Variants in RAD51B observed in about 807,000 individuals in gnomAD.
RAD51B encodes the protein RAD51 paralog B, also known as DNA repair protein RAD51 homolog 2.
RAD51B carries 38 observed loss-of-function variants against 42.2 expected under a neutral mutation model. The observed-to-expected ratio is 0.90, with a 90% confidence interval of 0.70 to 1.18. The LOEUF is 1.18. RAD51B is among the 50% of genes most tolerant of loss of function. The pLI, the probability that RAD51B is intolerant of heterozygous loss-of-function variation, is 0.00. For missense variants in RAD51B, 373 were observed against 400.7 expected (o/e 0.93, Z 0.59); for synonymous variants, 154 against 145.2 (o/e 1.06, Z -0.43).
chr14:68,032,735 G>T lies in RAD51B; in HGVS notation c.756+145531G>T, dbSNP rs1272583787. On this transcript the variant is annotated intron_variant, in intron 7 of 10. Transcript: ENST00000471583. Reference sequence around the variant, plus strand: ...CACACTATAGATAGAGTGATAACAAGAAATGTTATTTCCCTTTATAAACAT... The same window carrying T: ...CACACTATAGATAGAGTGATAACAATAAATGTTATTTCCCTTTATAAACAT... Among the ~76,000 whole-genome samples the T allele has an allele frequency of 3.9e-5, 6 of 152,248 alleles. 2 individuals carry two copies. Among genetic ancestry groups the T allele is most frequent in the Middle Eastern group, 3.4e-3 (1 of 294 alleles).
intron 7 of RAD51B, among the ~76,000 whole-genome samples, chr14:68,140,823 G>A (rs866547412): frequency 1.8e-4 from 28 of 152,174 alleles, no homozygotes; most frequent in African/African-American, 2.7e-4. Flanking sequence ...GTTTTGACTA[G>A]TGTTTTATTA....
At chr14:68,647,092 A>G (rs1357522919) in intron 10 of RAD51B, among the ~76,000 whole-genome samples, 5 of 152,252 alleles carry the variant, frequency 3.3e-5, no homozygotes, top group Non-Finnish European at 7.4e-5. Flanking sequence ...TTCTTCCAGC[A>G]TTAAAATTCT....
At chr14:68,024,940 G>A (rs374990270) in intron 7 of RAD51B, among the ~76,000 whole-genome samples, 14 of 152,044 alleles carry the variant, frequency 9.2e-5, no homozygotes, top group East Asian at 7.7e-4. Flanking sequence ...TTCTCAAGGG[G>A]AATTGTTTCA....
intron 7 of RAD51B, among the ~76,000 whole-genome samples, chr14:68,012,223 C>T (rs537181005): frequency 3.9e-5 from 6 of 152,118 alleles, no homozygotes; most frequent in Non-Finnish European, 7.4e-5. Context: ...AGTGTGTTTT[C>T]TTAATTTCAT....
chr14:68,313,049 A>G (rs1473171446), intron 8 of RAD51B, among the ~76,000 whole-genome samples: 1 of 152,192 alleles, frequency 6.6e-6, no homozygotes, highest in Non-Finnish European at 1.5e-5. Context: ...TAACTTTCAA[A>G]GTTTATGGGG....
At chr14:68,094,200 A>T (rs1052900718) in intron 7 of RAD51B, among the ~76,000 whole-genome samples, 3 of 152,216 alleles carry the variant, frequency 2.0e-5, no homozygotes, top group Non-Finnish European at 4.4e-5. Context: ...TTGGTCAAAC[A>T]TATCACTTTT....
chr14:68,680,587 G>A (rs146439131), intron 11 of RAD51B, among the ~76,000 whole-genome samples: 259 of 152,164 alleles, frequency 1.7e-3, no homozygotes, highest in Middle Eastern at 6.8e-3. Flanking sequence ...CCACCGTCCC[G>A]TTCCTCTTCC....
At chr14:68,566,669 C>T (rs1381099076) in intron 10 of RAD51B, among the ~76,000 whole-genome samples, 1 of 152,174 alleles carries the variant, frequency 6.6e-6, no homozygotes, top group African/African-American at 2.4e-5. Context: ...CCCCCGGTGC[C>T]TCAGTGACTG....
chr14:68,339,076 C>G (rs991344860), intron 8 of RAD51B: 3 of 679,456 alleles, frequency 4.4e-6, no homozygotes, highest in Admixed American at 2.0e-5. Context: ...ACCAGCTGAG[C>G]TTTCTTGTTC....
At chr14:67,870,961 C>T (rs1400266025) in intron 5 of RAD51B, among the ~76,000 whole-genome samples, 1 of 148,638 alleles carries the variant, frequency 6.7e-6, no homozygotes, top group Non-Finnish European at 1.5e-5. Context: ...ATTTATAGCA[C>T]TAAATGCCCA....
intron 7 of RAD51B, among the ~76,000 whole-genome samples, chr14:68,203,574 C>T (rs1334866077): frequency 6.6e-6 from 1 of 152,056 alleles, no homozygotes; most frequent in Non-Finnish European, 1.5e-5. Flanking sequence ...TGCATTAGCC[C>T]CTACCGAGAG....
At chr14:68,306,080 G>A (rs894285839) in intron 8 of RAD51B, among the ~76,000 whole-genome samples, 24 of 152,306 alleles carry the variant, frequency 1.6e-4, no homozygotes, top group African/African-American at 5.8e-4. Context: ...GCTAGAGTTT[G>A]GAGGAGCTAT....
chr14:68,434,512 C>A (rs142454603), intron 9 of RAD51B, among the ~76,000 whole-genome samples: 103 of 152,304 alleles, frequency 6.8e-4, no homozygotes, highest in African/African-American at 2.4e-3. Flanking sequence ...TAGCAATGAG[C>A]GAGGCTCCAT....
At chr14:68,220,568 C>G (rs2079904961) in intron 7 of RAD51B, among the ~76,000 whole-genome samples, 1 of 152,110 alleles carries the variant, frequency 6.6e-6, no homozygotes, top group South Asian at 2.1e-4. Flanking sequence ...GACAAAGATG[C>G]CCACTTTCAC....
chr14:68,156,728 A>G (rs2078520040), intron 7 of RAD51B, among the ~76,000 whole-genome samples: 2 of 152,190 alleles, frequency 1.3e-5, no homozygotes, highest in African/African-American at 4.8e-5. Context: ...TCCTTTTATT[A>G]ATGATAATAC....
chr14:68,644,508 A>T (rs1471073662), intron 10 of RAD51B, among the ~76,000 whole-genome samples: 2 of 152,220 alleles, frequency 1.3e-5, no homozygotes, highest in Non-Finnish European at 1.5e-5. Context: ...AAAGGCCTGA[A>T]TGCCTTCCTG....
chr14:68,449,422 A>C (rs1371387210), intron 9 of RAD51B, among the ~76,000 whole-genome samples: 1 of 152,204 alleles, frequency 6.6e-6, no homozygotes, highest in Non-Finnish European at 1.5e-5. Flanking sequence ...ATGGATCTTT[A>C]AATCTAACTG....
At chr14:68,143,333 G>A (rs895125646) in intron 7 of RAD51B, among the ~76,000 whole-genome samples, 3 of 152,158 alleles carry the variant, frequency 2.0e-5, no homozygotes, top group African/African-American at 7.2e-5. Context: ...GACAGATAAT[G>A]GTGTGGAAGG....
intron 7 of RAD51B, among the ~76,000 whole-genome samples, chr14:68,191,666 A>T (rs1054431316): frequency 3.3e-5 from 5 of 152,164 alleles, no homozygotes; most frequent in Non-Finnish European, 7.4e-5. Context: ...AGGTTCTCAT[A>T]CTTAGAGGAA....
Sources: allele counts gnomAD v4.1 joint callset (sites outside exome capture counted in the v4.1 genomes callset), GRCh38; gene constraint gnomAD v4.1.1; transcripts MANE v1.5; gene names NCBI Gene and HGNC (gene_info 2026-07-23, HGNC 2026-07-21).